Variants in PTPRB observed in about 807,000 individuals in gnomAD.
The protein encoded by PTPRB is protein tyrosine phosphatase receptor type B, also known as receptor-type tyrosine-protein phosphatase beta.
Under a neutral mutation model 238.1 loss-of-function variants are expected in PTPRB, and 97 were observed. That is an observed-to-expected ratio of 0.41 (90% CI 0.35 to 0.48). The LOEUF (loss-of-function observed/expected upper bound fraction) is 0.48. Ranked by LOEUF, PTPRB falls within the 20% of genes least tolerant of loss-of-function variation. PTPRB has a pLI of 0.30. For synonymous variants in PTPRB, 970 were observed against 995.4 expected, an observed-to-expected ratio of 0.97 and a Z score of 0.48; for missense variants, 2,292 against 2,681.9, an observed-to-expected ratio of 0.85 and a Z score of 3.21.
chr12:70,625,799 T>G (rs1193749604), intron 2 of PTPRB, among the ~76,000 whole-genome samples: 1 of 152,182 alleles, frequency 6.6e-6, no homozygotes, highest in Non-Finnish European at 1.5e-5. Context: ...CTACATTGTT[T>G]CCCTACTATA....
chr12:70,550,806 T>C (rs1876760604), intron 21 of PTPRB, among the ~76,000 whole-genome samples: 1 of 152,058 alleles, frequency 6.6e-6, no homozygotes, highest in Admixed American at 6.5e-5. Flanking sequence ...GTTTTCCAAC[T>C]CAAAAAGAAA....
chr12:70,557,904 T>C (rs1363057857), intron 18 of PTPRB, among the ~76,000 whole-genome samples: 1 of 152,060 alleles, frequency 6.6e-6, no homozygotes, highest in Non-Finnish European at 1.5e-5. Context: ...CCGAGAGGGG[T>C]GCACTTAGCC....
At chr12:70,602,999 A>C (rs895839856) in intron 4 of PTPRB, among the ~76,000 whole-genome samples, 3 of 151,776 alleles carry the variant, frequency 2.0e-5, no homozygotes, top group African/African-American at 7.3e-5. Context: ...ATTCCAGCAA[A>C]CTGGCATCTA....
intron 21 of PTPRB, among the ~76,000 whole-genome samples, chr12:70,549,277 A>T (rs1876531252): frequency 6.6e-6 from 1 of 152,184 alleles, no homozygotes; most frequent in Non-Finnish European, 1.5e-5. Flanking sequence ...AAAGTTAGAG[A>T]TCATGTGGTT....
At chr12:70,553,394 T>C (rs566085262) in intron 20 of PTPRB, among the ~76,000 whole-genome samples, 1 of 152,294 alleles carries the variant, frequency 6.6e-6, no homozygotes, top group South Asian at 2.1e-4. Flanking sequence ...GTAGTTGAGC[T>C]AATAAGGAAA....
At chr12:70,578,759 G>C (rs1881058168) in intron 10 of PTPRB, among the ~76,000 whole-genome samples, 1 of 152,174 alleles carries the variant, frequency 6.6e-6, no homozygotes, top group Non-Finnish European at 1.5e-5. Flanking sequence ...GACAATCCTT[G>C]TGGTATATAA....
At chr12:70,630,335 A>G (rs1281867549) in intron 2 of PTPRB, among the ~76,000 whole-genome samples, 1 of 152,236 alleles carries the variant, frequency 6.6e-6, no homozygotes, top group Non-Finnish European at 1.5e-5. Flanking sequence ...TTATCTCAAT[A>G]GATGCAGAAA....
At position 70,560,268 on chromosome 12, in the gene PTPRB, C is replaced by G. The variant is rs1033122476; in HGVS notation, c.4432+403G>C. On this transcript the variant is annotated intron_variant, in intron 17 of 33. Transcript: ENST00000334414. This position sits in a 1 kb window ranked among gnomAD's most constrained non-coding sequence, Gnocchi z 4.2. ...ATCAGATTTTGGGGTACAGGGCTGA[C>G]GTCCACAGACAATTATGTTCAGTTG... 1.3e-5 allele frequency among the ~76,000 whole-genome samples: 2 copies of G among 152,156 alleles called. No individual in the cohort carries two copies. The highest frequency in any genetic ancestry group is 2.9e-5 in the Non-Finnish European group (2 of 68,024).
chr12:70,532,248 A>AATC lies in PTPRB; in HGVS notation c.6369-81_6369-79dup. ...AGATTGCATCTAGAGACTCTGGCAC[A>AATC]ATCTTTTTTTTCCCTTCCCAGTTAT... On this transcript the variant is annotated intron_variant, in intron 31 of 33. Coordinates refer to ENST00000334414, the MANE Select transcript of PTPRB (RefSeq NM_001109754.4). The AATC allele has an allele frequency of 4.1e-6, 6 of 1,446,530 alleles. No homozygotes were observed. The South Asian group carries it at 4.4e-5, about 11-fold the overall frequency. 89.6% of individuals were successfully genotyped at this position (1,446,530 alleles called of 1,614,324 possible). A position where few individuals can be genotyped will look rare whatever the true frequency, so the allele number is the denominator to read the frequency against.
At chr12:70,550,688 T>C (rs11178285) in intron 21 of PTPRB, among the ~76,000 whole-genome samples, 34,027 of 152,018 alleles carry the variant, frequency 0.22, 4,313 homozygotes, top group East Asian at 0.44. Context: ...ATTGGTGGGC[T>C]CTGGTCCAGA....
intron 20 of PTPRB, 29 bp downstream of exon 20, chr12:70,555,131 C>T: frequency 6.2e-7 from 1 of 1,603,066 alleles, no homozygotes; most frequent in Non-Finnish European, 8.5e-7. Context: ...TTCTGTGTCT[C>T]AGAGTGGAGT....
At position 70,613,765 on chromosome 12, in the gene PTPRB, C is replaced by T. The variant is rs141339852; in HGVS notation, c.709-4426G>A. Among the ~76,000 whole-genome samples, 456 of 152,216 alleles carry T rather than the reference C, an allele frequency of 3.0e-3. 1 individual carries two copies. Among genetic ancestry groups the T allele is most frequent in the South Asian group, 0.016 (79 of 4,822 alleles). The stretch of plus-strand genomic sequence containing the variant: ...ACAGGGATTTTCATAGAGTCTCAAC[C>T]AACATTTGCTGAATCTTCATGTCAG... On this transcript the variant is annotated intron_variant, in intron 3 of 33. Transcript: ENST00000334414.
chr12:70,531,406 A>T (rs1265860491), intron 32 of PTPRB, among the ~76,000 whole-genome samples: 4 of 152,160 alleles, frequency 2.6e-5, no homozygotes, highest in African/African-American at 7.2e-5. Flanking sequence ...ATTGATGCAG[A>T]GGAGTGAATG....
Position 70,560,734 on chromosome 12 carries a change from C to T in PTPRB, c.4369G>A (p.Val1457Met), listed in dbSNP as rs748086531. Reference protein sequence around the residue: ...FQGLVPGRKYVLWVVTHSGDL... With the variant: ...FQGLVPGRKYMLWVVTHSGDL... ...CCACTGTGAGTTACCACCCACAGCA[C>T]GTACTTCCTTCCAGGAACAAGGCCT... The change falls in exon 17 of 34, where the codon GTG becomes ATG. Residue 1457 changes from valine to methionine, a missense_variant. Around this residue, in one of 4 missense-constraint regions of PTPRB, gnomAD observed 683 missense variants for 862.0 expected, o/e 0.79. Transcript: ENST00000334414. The surrounding 1 kb of genome is among the most constrained non-coding windows in gnomAD (Gnocchi z 4.2). The T allele has an allele frequency of 9.9e-6, 16 of 1,613,874 alleles. No homozygotes were observed. Among genetic ancestry groups the T allele is most frequent in the South Asian group, 4.4e-5 (4 of 91,082 alleles).
chr12:70,607,925 A>G (rs1884098690), intron 4 of PTPRB, among the ~76,000 whole-genome samples: 1 of 152,138 alleles, frequency 6.6e-6, no homozygotes, highest in Admixed American at 6.5e-5. Context: ...ATATCATCTA[A>G]AAGTTTCATC....
At chr12:70,632,597 A>C (rs1402607894) in intron 2 of PTPRB, among the ~76,000 whole-genome samples, 1 of 151,840 alleles carries the variant, frequency 6.6e-6, no homozygotes, top group African/African-American at 2.4e-5. Flanking sequence ...AAAAGGAATG[A>C]GTGCTTAATG....
intron 23 of PTPRB, chr12:70,540,561 C>CCA (rs71068705): frequency 1.5e-4 from 48 of 310,102 alleles, no homozygotes; most frequent in Non-Finnish European, 2.5e-4. Flanking sequence ...AGGATATGAA[C>CCA]CACACACACA....
At chr12:70,610,337 C>T (rs1884364289) in intron 3 of PTPRB, among the ~76,000 whole-genome samples, 1 of 152,128 alleles carries the variant, frequency 6.6e-6, no homozygotes, top group Admixed American at 6.5e-5. Context: ...GTTCTCGACC[C>T]AGTCGCCTTA....
chr12:70,544,673 A>C lies in PTPRB; in HGVS notation c.5388-10T>G, dbSNP rs1306680447. ...AGCTCGAATGCTGATTCTGAAAAGAAAACCGATTTATTTAAATATAAATTA... is the reference window on the plus strand; with the variant it reads ...AGCTCGAATGCTGATTCTGAAAAGACAACCGATTTATTTAAATATAAATTA... On this transcript the variant is annotated splice_polypyrimidine_tract_variant and intron_variant, in intron 21 of 33. Coordinates refer to ENST00000334414, the MANE Select transcript of PTPRB (RefSeq NM_001109754.4). 6.5e-7 allele frequency: 1 copy of C among 1,538,646 alleles called. No individual in the cohort carries two copies. Among genetic ancestry groups the C allele is most frequent in the Non-Finnish European group, 8.8e-7 (1 of 1,141,006 alleles).
Sources: gnomAD v4.1 joint callset for allele counts (sites outside exome capture counted in the v4.1 genomes callset) on GRCh38, gnomAD v4.1.1 for gene constraint, gnomAD v4.1.1 regional missense constraint, Gnocchi (gnomAD v3.1) non-coding constraint, MANE v1.5 for transcripts, NCBI Gene and HGNC (gene_info 2026-07-23, HGNC 2026-07-21) for gene names.